HEG1: variants seen among roughly 807,000 people sequenced by gnomAD.
The protein encoded by HEG1 is heart development protein with EGF like domains 1.
A neutral mutation model predicts 125.6 loss-of-function variants in HEG1; 56 were observed. That is an observed-to-expected ratio of 0.45 (90% CI 0.36 to 0.56). HEG1 has a LOEUF of 0.56. Ranked by LOEUF, HEG1 falls within the 20% of genes least tolerant of loss-of-function variation. The probability of loss-of-function intolerance (pLI) is 0.00; values close to 1 mark genes in which losing one functional copy is unlikely to be tolerated. For synonymous variants in HEG1, 644 were observed against 668.5 expected (o/e 0.96, Z 0.57); for missense variants, 1,523 against 1,670.0 (o/e 0.91, Z 1.53).
At chr3:125,004,851 G>A (rs982901690) in intron 9 of HEG1, among the ~76,000 whole-genome samples, 2 of 152,106 alleles carry the variant, frequency 1.3e-5, no homozygotes, top group Non-Finnish European at 2.9e-5. Context: ...GCATTCCTTT[G>A]AGGAAAAAGA....
chr3:125,017,578 G>A (rs1421718224), intron 5 of HEG1, among the ~76,000 whole-genome samples: 1 of 152,216 alleles, frequency 6.6e-6, no homozygotes, highest in East Asian at 1.9e-4. Flanking sequence ...AATTACAAGT[G>A]TTGGTGAAGA....
At chr3:125,049,451 G>A (rs1227762537) in intron 1 of HEG1, among the ~76,000 whole-genome samples, 2 of 152,078 alleles carry the variant, frequency 1.3e-5, no homozygotes, top group Non-Finnish European at 1.5e-5. Flanking sequence ...CTCTTCCTCC[G>A]TGGCTTTAAC....
intron 1 of HEG1, among the ~76,000 whole-genome samples, chr3:125,047,820 C>T (rs972874130): frequency 6.6e-6 from 1 of 152,212 alleles, no homozygotes. Flanking sequence ...CTTGCTACTC[C>T]TTCCTCCAAT....
intron 2 of HEG1, among the ~76,000 whole-genome samples, chr3:125,028,372 T>C (rs1439092540): frequency 6.6e-6 from 1 of 152,222 alleles, no homozygotes; most frequent in Non-Finnish European, 1.5e-5. Flanking sequence ...GCAATGGTCC[T>C]ACCTGTTCCT....
At chr3:124,970,923 G>A in intron 16 of HEG1, 122 bp from the exon 17 acceptor site, 3 of 815,520 alleles carry the variant, frequency 3.7e-6, no homozygotes, top group Non-Finnish European at 5.8e-6. Context: ...TGTATGATGT[G>A]GTTCTACCAA....
chr3:124,993,022 T>C (rs563211570), intron 12 of HEG1, among the ~76,000 whole-genome samples: 32 of 152,352 alleles, frequency 2.1e-4, no homozygotes, highest in Non-Finnish European at 3.5e-4. Flanking sequence ...TTGACGAGGA[T>C]GCCCCAGAGA....
At chr3:124,980,746 T>C (rs1936633775) in intron 14 of HEG1, among the ~76,000 whole-genome samples, 3 of 152,182 alleles carry the variant, frequency 2.0e-5, no homozygotes, top group African/African-American at 7.2e-5. Context: ...CTCAAACTCT[T>C]GGCCTCCAGT....
chr3:124,986,936 A>G (rs1936748945), intron 14 of HEG1, among the ~76,000 whole-genome samples: 1 of 152,246 alleles, frequency 6.6e-6, no homozygotes, highest in East Asian at 1.9e-4. Flanking sequence ...AGTGCCACTT[A>G]GAATAATGCC....
intron 14 of HEG1, among the ~76,000 whole-genome samples, chr3:124,984,901 T>C (rs1158285266): frequency 6.6e-6 from 1 of 152,192 alleles, no homozygotes; most frequent in Admixed American, 6.5e-5. Context: ...GAAGTTACAG[T>C]AGGTCCATAG....
Position 125,027,764 on chromosome 3 carries a change from T to C in HEG1, c.611-257A>G, listed in dbSNP as rs373860947. ...CACTGGAGGTAAGTATCAGACAATATGGAATCAGAGATCAGGGTCTGATCA... is the reference window on the plus strand; with the variant it reads ...CACTGGAGGTAAGTATCAGACAATACGGAATCAGAGATCAGGGTCTGATCA... On this transcript the variant is annotated intron_variant, in intron 2 of 16. Coordinates refer to ENST00000311127, the MANE Select transcript of HEG1 (RefSeq NM_020733.2). Among the ~76,000 whole-genome samples the C allele has an allele frequency of 7.2e-5, 11 of 152,146 alleles. No individual in the cohort carries two copies. In the East Asian group the frequency reaches 1.7e-3, roughly 24 times the overall value.
chr3:124,988,129 G>A (rs901817567), intron 14 of HEG1, among the ~76,000 whole-genome samples: 10 of 151,190 alleles, frequency 6.6e-5, no homozygotes, highest in African/African-American at 1.7e-4. Context: ...ATCAGTTTAC[G>A]AGCTCTCTGT....
At chr3:125,050,167 G>A (rs1248024240) in intron 1 of HEG1, among the ~76,000 whole-genome samples, 3 of 122,122 alleles carry the variant, frequency 2.5e-5, no homozygotes, top group African/African-American at 9.4e-5. Flanking sequence ...TTTTTGAGAT[G>A]AAGTCTCACT....
At chr3:125,038,580 G>C (rs915836188) in intron 1 of HEG1, among the ~76,000 whole-genome samples, 4 of 152,166 alleles carry the variant, frequency 2.6e-5, no homozygotes, top group Admixed American at 6.5e-5. Context: ...ATCGCAGTGG[G>C]GACAATGGGT....
At chr3:124,978,605 G>A (rs796765248) in intron 14 of HEG1, among the ~76,000 whole-genome samples, 22 of 152,170 alleles carry the variant, frequency 1.4e-4, no homozygotes, top group African/African-American at 5.3e-4. Context: ...TTTGATAACT[G>A]TTCTATAATC....
chr3:125,055,266 T>C (rs1385141857), intron 1 of HEG1, among the ~76,000 whole-genome samples: 3 of 152,104 alleles, frequency 2.0e-5, no homozygotes, highest in Non-Finnish European at 4.4e-5. Context: ...GAGAGATGCT[T>C]TGCAGTCTTT....
At chr3:124,990,691 T>C in intron 14 of HEG1, 96 bp downstream of exon 14, 6 of 1,178,950 alleles carry the variant, frequency 5.1e-6, no homozygotes, top group Non-Finnish European at 7.3e-6. Context: ...AGACAGCAGG[T>C]GTGAACTGAG....
At chr3:125,052,897 GGAAGA>G (rs2107716201) in intron 1 of HEG1, among the ~76,000 whole-genome samples, 1 of 152,340 alleles carries the variant, frequency 6.6e-6, no homozygotes, top group African/African-American at 2.4e-5. Context: ...AACTCTGCCA[GGAAGA>G]GAAGAGCTGG....
At chr3:124,992,115 T>G (rs1936843784) in intron 12 of HEG1, among the ~76,000 whole-genome samples, 1 of 152,172 alleles carries the variant, frequency 6.6e-6, no homozygotes, top group Non-Finnish European at 1.5e-5. Context: ...TGGGGCACAG[T>G]CCTGGTGTGT....
intron 1 of HEG1, 35 bp from the exon 2 acceptor site, chr3:125,029,523 G>A: frequency 6.4e-7 from 1 of 1,565,936 alleles, no homozygotes. Flanking sequence ...GGGAGAGTTT[G>A]CTGGCTTCTG....
Sources: gnomAD v4.1 joint callset for allele counts (sites outside exome capture counted in the v4.1 genomes callset) on GRCh38, gnomAD v4.1.1 for gene constraint, MANE v1.5 for transcripts, NCBI Gene and HGNC (gene_info 2026-07-23, HGNC 2026-07-21) for gene names.